Variants in SLAIN1 observed in about 807,000 individuals in gnomAD.
SLAIN1 encodes the protein SLAIN motif-containing protein 1.
In SLAIN1, 17 loss-of-function variants were observed where a neutral mutation model predicts 55.4. The ratio of observed to expected loss-of-function variants is 0.31; its 90% CI spans 0.21 to 0.46. The LOEUF (loss-of-function observed/expected upper bound fraction) is 0.46, where lower values mean the gene tolerates loss of function less well. Among genes scored for constraint, SLAIN1 ranks in the 20% least tolerant of loss-of-function variants. The pLI, the probability that SLAIN1 is intolerant of heterozygous loss-of-function variation, is 1.00. For synonymous variants in SLAIN1, 348 were observed against 337.4 expected (o/e 1.03, Z -0.35); for missense variants, 682 against 785.1 (o/e 0.87, Z 1.57).
At chr13:77,701,212 CTTAT>C in intron 1 of SLAIN1, among the ~76,000 whole-genome samples, 1 of 149,382 alleles carries the variant, frequency 6.7e-6, no homozygotes, top group Non-Finnish European at 1.5e-5. Context: ...AATGTGTTTG[CTTAT>C]TTATTTAGAA....
chr13:77,698,311 C>G lies in SLAIN1; in HGVS notation c.398C>G (p.Pro133Arg). 1 of 1,446,332 alleles carries G rather than the reference C, an allele frequency of 6.9e-7. No homozygotes were observed. The highest frequency in any genetic ancestry group is 1.3e-5 in the South Asian group (1 of 75,652). 89.6% of individuals were successfully genotyped at this position (1,446,332 alleles called of 1,614,324 possible). A position where few individuals can be genotyped will look rare whatever the true frequency, so the allele number is the denominator to read the frequency against. ...PGTFCLPSPA[P>R]SLLCSLAQPP... ...ACCTTCTGCCTGCCTAGCCCCGCGC[C>G]CTCCCTGCTTTGCAGCCTGGCGCAG... The change falls in exon 1 of 7, where the codon CCC becomes CGC. Residue 133 changes from proline (P) to arginine (R), a missense_variant. This residue lies in a region of SLAIN1 where 401 missense variants were observed against 417.3 expected (regional missense o/e 0.96). Transcript: ENST00000418532. This position sits in a 1 kb window ranked among gnomAD's most constrained non-coding sequence, Gnocchi z 4.1.
In SLAIN1 at chr13:77,698,768, A is replaced by G; in HGVS notation, c.626+229A>G. The stretch of plus-strand genomic sequence containing the variant: ...TTCTAATCGCTCCGACTGCGGATGA[A>G]CCGGCCCCCCCTTCCCCCCATCTGC... On this transcript the variant is annotated intron_variant, in intron 1 of 6. Transcript: ENST00000418532. This position sits in a 1 kb window ranked among gnomAD's most constrained non-coding sequence, Gnocchi z 4.1. The G allele has an allele frequency of 8.4e-7, 1 of 1,190,052 alleles. No individual in the cohort carries two copies. 73.7% of individuals were successfully genotyped at this position (1,190,052 alleles called of 1,614,324 possible). A position where few individuals can be genotyped will look rare whatever the true frequency, so the allele number is the denominator to read the frequency against.
chr13:77,746,775 C>G lies in SLAIN1; in HGVS notation c.1178C>G (p.Pro393Arg). ...AGGAGCCCCAGTTCCCAGTATTTTC[C>G]TTCAAATAATTACCAGCAGCAACAG... ...CRRSPSSQYF[P>R]SNNYQQQQYY... The change falls in exon 4 of 7, where the codon CCT becomes CGT. Residue 393 changes from proline to arginine, a missense_variant. Pro to Arg is a moderately radical substitution (Grantham distance 103). Transcript: ENST00000418532. 6.2e-7 allele frequency: 1 copy of G among 1,613,816 alleles called. No homozygotes were observed. The highest frequency in any genetic ancestry group is 8.5e-7 in the Non-Finnish European group (1 of 1,179,822).
At chr13:77,733,512 TTGAA>T (rs1872971870) in intron 2 of SLAIN1, among the ~76,000 whole-genome samples, 1 of 152,180 alleles carries the variant, frequency 6.6e-6, no homozygotes, top group Non-Finnish European at 1.5e-5. Context: ...TTGTCATAGT[TTGAA>T]TGAATGGGAA....
chr13:77,752,949 G>A (rs1874341300), intron 4 of SLAIN1, among the ~76,000 whole-genome samples: 1 of 152,104 alleles, frequency 6.6e-6, no homozygotes, highest in African/African-American at 2.4e-5. Context: ...GACACACCCA[G>A]GAGCAATGCT....
intron 1 of SLAIN1, among the ~76,000 whole-genome samples, chr13:77,700,795 G>T (rs890406659): frequency 2.6e-5 from 4 of 151,974 alleles, no homozygotes; most frequent in African/African-American, 9.7e-5. Flanking sequence ...ACTGGAGTGG[G>T]TATATAGTAC....
At chr13:77,737,723 T>TC (rs1296213157) in intron 2 of SLAIN1, among the ~76,000 whole-genome samples, 1 of 152,092 alleles carries the variant, frequency 6.6e-6, no homozygotes, top group Non-Finnish European at 1.5e-5. Context: ...GTGTTTAGAT[T>TC]CCCCCAGAAA....
At chr13:77,725,653 A>AATTCCTT (rs1334162498) in intron 2 of SLAIN1, among the ~76,000 whole-genome samples, 5 of 152,192 alleles carry the variant, frequency 3.3e-5, no homozygotes, top group African/African-American at 1.2e-4. Flanking sequence ...TTTGTAGGAA[A>AATTCCTT]TGTGGAGAGG....
At chr13:77,732,759 T>C (rs1404436915) in intron 2 of SLAIN1, among the ~76,000 whole-genome samples, 1 of 152,084 alleles carries the variant, frequency 6.6e-6, no homozygotes, top group Non-Finnish European at 1.5e-5. Context: ...TGGTCCTGGA[T>C]AATACTGGAT....
rs1875220097 is a variant in SLAIN1 at position 77,763,480 on chromosome 13, G to C, written c.*260G>C. On this transcript the variant is annotated 3_prime_UTR_variant, in exon 7 of 7. Transcript: ENST00000418532. The stretch of plus-strand genomic sequence containing the variant: ...TAGGAAGTTTTTGTAGAACTGCTCT[G>C]TACCTGAATACTTTTTGAGAGAATT... The C allele has an allele frequency of 9.2e-6, 4 of 436,562 alleles. No homozygotes were observed. The highest frequency in any genetic ancestry group is 7.9e-5 in the African/African-American group (4 of 50,368). The allele number at this position is 436,562 out of a possible 1,614,324, so 27.0% of individuals were successfully genotyped here. A position where few individuals can be genotyped will look rare whatever the true frequency, so the allele number is the denominator to read the frequency against.
At chr13:77,708,993 A>G (rs2091119041) in intron 1 of SLAIN1, among the ~76,000 whole-genome samples, 1 of 152,114 alleles carries the variant, frequency 6.6e-6, no homozygotes, top group East Asian at 1.9e-4. Context: ...TTCTAATACA[A>G]TGCAAGGAAG....
chr13:77,738,241 T>C (rs1349787583), intron 2 of SLAIN1, among the ~76,000 whole-genome samples: 2 of 73,982 alleles, frequency 2.7e-5, no homozygotes, highest in South Asian at 3.6e-4. Flanking sequence ...CATATACATA[T>C]ATATACACAT....
At chr13:77,744,803 C>T (rs573958827) in intron 3 of SLAIN1, among the ~76,000 whole-genome samples, 1 of 152,154 alleles carries the variant, frequency 6.6e-6, no homozygotes, top group South Asian at 2.1e-4. Context: ...TTCTGAGCAC[C>T]TTTATAGCCC....
At chr13:77,709,383 A>G (rs143304246) in intron 1 of SLAIN1, among the ~76,000 whole-genome samples, 4,903 of 152,276 alleles carry the variant, frequency 0.032, 267 homozygotes, top group African/African-American at 0.11. Flanking sequence ...AAGACAGGCC[A>G]ACATTCAAAT....
chr13:77,734,364 G>A (rs1316495371), intron 2 of SLAIN1, among the ~76,000 whole-genome samples: 2 of 152,114 alleles, frequency 1.3e-5, no homozygotes, highest in Non-Finnish European at 2.9e-5. Context: ...GTTTGGCTTG[G>A]AACTGAGGCT....
intron 2 of SLAIN1, among the ~76,000 whole-genome samples, chr13:77,723,945 A>C (rs76761839): frequency 6.6e-5 from 10 of 151,598 alleles, no homozygotes; most frequent in East Asian, 1.9e-4. Flanking sequence ...AAAAAAAAAA[A>C]AACACATCTT....
intron 2 of SLAIN1, among the ~76,000 whole-genome samples, chr13:77,721,480 A>G (rs1041667273): frequency 6.6e-6 from 1 of 152,102 alleles, no homozygotes; most frequent in Non-Finnish European, 1.5e-5. Context: ...TCCTTACTTA[A>G]TCCTTGACTC....
chr13:77,710,671 T>C (rs559043662), intron 1 of SLAIN1, among the ~76,000 whole-genome samples: 2 of 151,990 alleles, frequency 1.3e-5, no homozygotes, highest in East Asian at 3.9e-4. Context: ...CTGTCAATAT[T>C]AGATCAATGA....
At chr13:77,755,017 A>C (rs1440976894) in intron 5 of SLAIN1, among the ~76,000 whole-genome samples, 5 of 152,222 alleles carry the variant, frequency 3.3e-5, no homozygotes, top group Non-Finnish European at 7.3e-5. Flanking sequence ...CTAACAACTC[A>C]TTTTATGTCA....
Sources: gnomAD v4.1 joint callset for allele counts (sites outside exome capture counted in the v4.1 genomes callset) on GRCh38, gnomAD v4.1.1 for gene constraint, gnomAD v4.1.1 regional missense constraint, Gnocchi (gnomAD v3.1) non-coding constraint, MANE v1.5 for transcripts, NCBI Gene and HGNC (gene_info 2026-07-23, HGNC 2026-07-21) for gene names.